Variants in EVI5 observed in about 807,000 individuals in gnomAD.
The protein encoded by EVI5 is ecotropic viral integration site 5.
In EVI5, 73 loss-of-function variants were observed where a neutral mutation model predicts 112.0. The ratio of observed to expected loss-of-function variants is 0.65; its 90% CI spans 0.54 to 0.79. The LOEUF is 0.79. EVI5 is among the 30% of genes least tolerant of loss of function. The pLI is 0.00. For missense variants in EVI5, 900 were observed against 968.8 expected (o/e 0.93, Z 0.94); for synonymous variants, 305 against 319.9 (o/e 0.95, Z 0.50).
intron 1 of EVI5, among the ~76,000 whole-genome samples, chr1:92,782,180 A>C (rs1455890852): frequency 2.0e-5 from 3 of 149,148 alleles, no homozygotes; most frequent in African/African-American, 7.5e-5. Flanking sequence ...AATTGCTTGA[A>C]CCCGGGAGGC....
intron 14 of EVI5, among the ~76,000 whole-genome samples, chr1:92,632,552 T>C (rs1657415849): frequency 6.6e-6 from 1 of 152,112 alleles, no homozygotes; most frequent in African/African-American, 2.4e-5. Context: ...ATTGCGTCTA[T>C]TTGATTATTC....
At chr1:92,673,869 T>C (rs1317366533) in intron 10 of EVI5, among the ~76,000 whole-genome samples, 1 of 152,172 alleles carries the variant, frequency 6.6e-6, no homozygotes, top group Admixed American at 6.5e-5. Context: ...GTTCTTAGAA[T>C]AGAAGGTCAT....
At chr1:92,647,315 TG>T in intron 13 of EVI5, 1 of 212,988 alleles carries the variant, frequency 4.7e-6, no homozygotes, top group Admixed American at 4.2e-5. Context: ...TTTGTGGATT[TG>T]ATCTTGGGGT....
intron 1 of EVI5, among the ~76,000 whole-genome samples, chr1:92,743,079 G>C (rs79280593): frequency 0.056 from 8,590 of 152,270 alleles, 696 homozygotes; most frequent in African/African-American, 0.18. Flanking sequence ...AGGGCCAAGC[G>C]TGATGGCTCA....
chr1:92,600,450 A>G (rs559802741), intron 18 of EVI5, among the ~76,000 whole-genome samples: 1 of 152,320 alleles, frequency 6.6e-6, no homozygotes, highest in Non-Finnish European at 1.5e-5. Flanking sequence ...TTTTTAAATT[A>G]TTAAACCATT....
At chr1:92,534,399 T>A (rs895101816) in intron 19 of EVI5, among the ~76,000 whole-genome samples, 3 of 152,168 alleles carry the variant, frequency 2.0e-5, no homozygotes, top group East Asian at 3.8e-4. Flanking sequence ...CAAGCTACCA[T>A]TGACTTTCTT....
At chr1:92,609,230 A>C (rs1014784577) in intron 16 of EVI5, among the ~76,000 whole-genome samples, 2 of 152,206 alleles carry the variant, frequency 1.3e-5, no homozygotes, top group Middle Eastern at 3.2e-3. Context: ...AACTTGGCCA[A>C]GTTATTTAAT....
intron 18 of EVI5, among the ~76,000 whole-genome samples, chr1:92,600,237 T>C (rs1444617816): frequency 2.0e-5 from 3 of 152,090 alleles, no homozygotes; most frequent in Admixed American, 6.6e-5. Flanking sequence ...CAGAAATGTA[T>C]AGGAAGATGA....
chr1:92,770,884 C>T (rs1041815350), intron 1 of EVI5, among the ~76,000 whole-genome samples: 8 of 151,662 alleles, frequency 5.3e-5, no homozygotes, highest in Admixed American at 3.3e-4. Context: ...GGCCCGATCC[C>T]GGTTCACTGC....
chr1:92,767,692 T>C (rs1044177519), intron 1 of EVI5, among the ~76,000 whole-genome samples: 1 of 152,234 alleles, frequency 6.6e-6, no homozygotes, highest in Admixed American at 6.5e-5. Context: ...TGACAAGTTA[T>C]TTAAGCTCTT....
intron 9 of EVI5, among the ~76,000 whole-genome samples, chr1:92,677,851 C>T (rs1468137617): frequency 2.0e-5 from 3 of 152,166 alleles, no homozygotes; most frequent in Admixed American, 6.5e-5. Flanking sequence ...TCCTAGTAGA[C>T]TGCACCTGAA....
intron 19 of EVI5, among the ~76,000 whole-genome samples, chr1:92,545,414 TAAA>T (rs11284076): frequency 1.8e-4 from 26 of 143,692 alleles, no homozygotes; most frequent in Admixed American, 3.5e-4. Context: ...CTACTTGATG[TAAA>T]AAAAAAAAAA....
Position 92,511,718 on chromosome 1 carries a change from A to G in EVI5, c.*1938T>C, listed in dbSNP as rs1886682. On this transcript the variant is annotated 3_prime_UTR_variant, in exon 20 of 20. Transcript: ENST00000684568. ...GCTACTTACTAGCTTGTAACCACAG[A>G]TAAGTTATTTAACCACCAGAATTTA... is the stretch of plus-strand genomic sequence containing the variant. 0.85 allele frequency: 129,613 copies of G among 152,090 alleles called. 55,618 individuals are homozygous for G. Among genetic ancestry groups the G allele is most frequent in the East Asian group, 0.97 (5,013 of 5,178 alleles). The allele number at this position is 152,090 out of a possible 1,614,324, so 9.4% of individuals were successfully genotyped here. A position where few individuals can be genotyped will look rare whatever the true frequency, so the allele number is the denominator to read the frequency against.
intron 10 of EVI5, among the ~76,000 whole-genome samples, chr1:92,666,308 C>T (rs1664873561): frequency 6.6e-6 from 1 of 151,636 alleles, no homozygotes; most frequent in Non-Finnish European, 1.5e-5. Flanking sequence ...ACAATTTAGC[C>T]AGGAATGGTG....
At chr1:92,779,809 C>G (rs1684628650) in intron 1 of EVI5, among the ~76,000 whole-genome samples, 1 of 152,082 alleles carries the variant, frequency 6.6e-6, no homozygotes, top group South Asian at 2.1e-4. Context: ...CACAGAAAGG[C>G]TCAGAATCTA....
intron 19 of EVI5, among the ~76,000 whole-genome samples, chr1:92,525,069 C>T (rs1230610122): frequency 6.6e-6 from 1 of 152,102 alleles, no homozygotes; most frequent in East Asian, 1.9e-4. Context: ...CTCAAGTGAT[C>T]TGCCCGCCTT....
chr1:92,596,367 A>G (rs949150116), intron 18 of EVI5, among the ~76,000 whole-genome samples: 1 of 152,166 alleles, frequency 6.6e-6, no homozygotes, highest in African/African-American at 2.4e-5. Context: ...CTTGAAAACA[A>G]TAACAAAAAT....
intron 13 of EVI5, among the ~76,000 whole-genome samples, chr1:92,638,846 T>C (rs957631112): frequency 2.0e-5 from 3 of 152,096 alleles, no homozygotes; most frequent in African/African-American, 7.2e-5. Context: ...TAATATATTG[T>C]TTTAATATAT....
intron 18 of EVI5, among the ~76,000 whole-genome samples, chr1:92,590,511 A>G (rs1012845070): frequency 9.2e-5 from 14 of 152,230 alleles, no homozygotes; most frequent in African/African-American, 3.4e-4. Context: ...AAGAAAGGGT[A>G]TCAGCGATGG....
Sources: gnomAD v4.1 joint callset for allele counts (sites outside exome capture counted in the v4.1 genomes callset) on GRCh38, gnomAD v4.1.1 for gene constraint, MANE v1.5 for transcripts, NCBI Gene and HGNC (gene_info 2026-07-23, HGNC 2026-07-21) for gene names.